Variants in SREK1IP1 observed in about 807,000 individuals in gnomAD.
SREK1IP1 encodes the protein SREK1 interacting protein 1.
In SREK1IP1, 12 loss-of-function variants were observed where a neutral mutation model predicts 22.8. That is an observed-to-expected ratio of 0.53 (90% CI 0.34 to 0.85). The LOEUF (loss-of-function observed/expected upper bound fraction) is 0.85. SREK1IP1 is among the 40% of genes least tolerant of loss of function. The pLI is 0.02. For synonymous variants in SREK1IP1, 53 were observed against 52.7 expected, an observed-to-expected ratio of 1.01 and a Z score of -0.02; for missense variants, 147 against 171.8, an observed-to-expected ratio of 0.86 and a Z score of 0.81.
intron 2 of SREK1IP1, among the ~76,000 whole-genome samples, chr5:64,750,920 A>C (rs998235184): frequency 6.6e-6 from 1 of 152,114 alleles, no homozygotes; most frequent in African/African-American, 2.4e-5. Flanking sequence ...AAAGAAAAAA[A>C]CCCTCTCCAT....
At chr5:64,767,863 T>C (rs947485727) in intron 1 of SREK1IP1, among the ~76,000 whole-genome samples, 5 of 152,200 alleles carry the variant, frequency 3.3e-5, no homozygotes, top group African/African-American at 1.2e-4. Context: ...AAGCTGGTAG[T>C]TGAGGACGAG....
intron 1 of SREK1IP1, among the ~76,000 whole-genome samples, chr5:64,757,930 C>T (rs1397173959): frequency 3.4e-5 from 4 of 118,162 alleles, no homozygotes; most frequent in East Asian, 5.4e-4. Context: ...AGTGCAGTGG[C>T]GTGATCTCAG....
Position 64,718,391 on chromosome 5 carries a change from T to A in SREK1IP1, c.*5993A>T, listed in dbSNP as rs1742092304. 6.0e-6 allele frequency: 1 copy of A among 167,650 alleles called. No individual in the cohort carries two copies. 10.4% of individuals were successfully genotyped at this position (167,650 alleles called of 1,614,324 possible). On this transcript the variant is annotated 3_prime_UTR_variant, in exon 5 of 5. Transcript: ENST00000513458. ...TGATACTTACAGGCAGTTATTCTTATGAGATGGTACTGGATAGGTAAATAT... is the reference window on the plus strand; with the variant it reads ...TGATACTTACAGGCAGTTATTCTTAAGAGATGGTACTGGATAGGTAAATAT...
intron 4 of SREK1IP1, among the ~76,000 whole-genome samples, chr5:64,726,639 TA>T (rs948972540): frequency 1.3e-5 from 2 of 150,920 alleles, no homozygotes; most frequent in Non-Finnish European, 2.9e-5. Context: ...TACGCCTTGA[TA>T]AATCTATCTG....
At chr5:64,768,469 G>A in intron 1 of SREK1IP1, 36 bp downstream of exon 1, 1 of 1,614,074 alleles carries the variant, frequency 6.2e-7, no homozygotes, top group South Asian at 1.1e-5. Context: ...GCTCCCTTCG[G>A]AGCTCGGACG....
chr5:64,737,623 A>G (rs1244088158), intron 3 of SREK1IP1, among the ~76,000 whole-genome samples: 1 of 151,520 alleles, frequency 6.6e-6, no homozygotes, highest in Non-Finnish European at 1.5e-5. Flanking sequence ...AAAACAACAG[A>G]AAAGCCCAAA....
chr5:64,740,273 A>C (rs1742531238), intron 3 of SREK1IP1, among the ~76,000 whole-genome samples: 1 of 152,054 alleles, frequency 6.6e-6, no homozygotes, highest in Non-Finnish European at 1.5e-5. Flanking sequence ...AAAAAAAATA[A>C]ATGATATCTG....
chr5:64,740,173 C>G (rs560064374), intron 3 of SREK1IP1, among the ~76,000 whole-genome samples: 2 of 152,182 alleles, frequency 1.3e-5, no homozygotes, highest in South Asian at 2.1e-4. Context: ...TATCCACTCT[C>G]TCTCTAGGGA....
intron 4 of SREK1IP1, chr5:64,727,553 A>ATATATATT: frequency 1.2e-5 from 1 of 84,682 alleles, no homozygotes; most frequent in African/African-American, 5.5e-5. Flanking sequence ...ATATATATAT[A>ATATATATT]TTTTTTTTTT....
rs1456753306 is a variant in SREK1IP1 at position 64,724,533 on chromosome 5, G to C, written c.319C>G (p.Gln107Glu). Residue 107 changes from glutamine to glutamate, a missense_variant, in exon 5 of 5, where the codon CAA becomes GAA. Around this residue, in one of 3 missense-constraint regions of SREK1IP1, gnomAD observed 82 missense variants for 81.7 expected, o/e 1.00. Transcript: ENST00000513458. ...SSSTEEDTSK[Q>E]KKQKYQKKEK... The stretch of plus-strand genomic sequence containing the variant: ...TTCTTCTGATATTTTTGTTTCTTTT[G>C]TTTTGAAGTGTCCTCTTCAGTGGAA... 6.5e-7 allele frequency: 1 copy of C among 1,540,908 alleles called. No homozygotes were observed. The highest frequency in any genetic ancestry group is 8.7e-7 in the Non-Finnish European group (1 of 1,150,034).
intron 3 of SREK1IP1, among the ~76,000 whole-genome samples, chr5:64,731,029 A>C (rs927454743): frequency 2.6e-5 from 4 of 152,322 alleles, no homozygotes; most frequent in African/African-American, 7.2e-5. Flanking sequence ...CTTTACATTA[A>C]ATAAACTGGA....
In SREK1IP1 at chr5:64,752,144, G is replaced by GTTTTTT. The variant is rs755420855; in HGVS notation, c.61+2170_61+2171insAAAAAA. Among the ~76,000 whole-genome samples the GTTTTTT allele has an allele frequency of 3.3e-3, 278 of 85,412 alleles. 16 individuals carry two copies. Among genetic ancestry groups the GTTTTTT allele is most frequent in the Middle Eastern group, 5.3e-3 (1 of 188 alleles). The allele number at this position is 85,412 out of a possible 152,430, so 56.0% of individuals were successfully genotyped here. A position where few individuals can be genotyped will look rare whatever the true frequency, so the allele number is the denominator to read the frequency against. ...CTCTTTTTCTGTGAATTTTTTTTGTGTGTTTTTTTTTTTTTTTTTTTTTTT... is the reference window on the plus strand; with the variant it reads ...CTCTTTTTCTGTGAATTTTTTTTGTGTTTTTTTGTTTTTTTTTTTTTTTTTTTTTTT... On this transcript the variant is annotated intron_variant, in intron 2 of 4. Transcript: ENST00000513458.
chr5:64,729,375 G>A (rs1183426836), intron 3 of SREK1IP1, among the ~76,000 whole-genome samples: 1 of 152,154 alleles, frequency 6.6e-6, no homozygotes, highest in African/African-American at 2.4e-5. Flanking sequence ...AAAGCTCCAA[G>A]GCAAAAAGAG....
At chr5:64,749,919 T>C (rs1179243499) in intron 2 of SREK1IP1, among the ~76,000 whole-genome samples, 2 of 152,216 alleles carry the variant, frequency 1.3e-5, no homozygotes, top group East Asian at 1.9e-4. Flanking sequence ...GGCATTTCTC[T>C]ATAGTTAATT....
intron 1 of SREK1IP1, among the ~76,000 whole-genome samples, chr5:64,755,337 G>A (rs1436707692): frequency 6.6e-6 from 1 of 152,002 alleles, no homozygotes. Flanking sequence ...GTGGATTAAA[G>A]AAAATGCACT....
Position 64,724,287 on chromosome 5 carries a change from A to G in SREK1IP1, c.*97T>C, listed in dbSNP as rs10434541. The stretch of plus-strand genomic sequence containing the variant: ...AAATGTCTATATGGAAAAGGCTGTG[A>G]TTTATTGCAAAGCATAATATATAGC... On this transcript the variant is annotated 3_prime_UTR_variant, in exon 5 of 5. Transcript: ENST00000513458. The G allele has an allele frequency of 1.4e-4, 149 of 1,086,058 alleles. No homozygotes were observed. The East Asian group carries it at 3.6e-3, about 26-fold the overall frequency. The allele number at this position is 1,086,058 out of a possible 1,614,324, so 67.3% of individuals were successfully genotyped here.
chr5:64,728,032 C>CA, intron 4 of SREK1IP1, 75 bp downstream of exon 4: 6 of 1,118,114 alleles, frequency 5.4e-6, no homozygotes, highest in Non-Finnish European at 6.7e-6. Flanking sequence ...CTATTATACA[C>CA]AAAAAATAAA....
intron 2 of SREK1IP1, among the ~76,000 whole-genome samples, chr5:64,748,821 G>A (rs1245217754): frequency 6.6e-6 from 1 of 152,034 alleles, no homozygotes; most frequent in Non-Finnish European, 1.5e-5. Flanking sequence ...TGCCAGCAGA[G>A]GTTTGTACCT....
rs1354155508 is a variant in SREK1IP1 at position 64,720,955 on chromosome 5, C to T, written c.*3429G>A. The T allele has an allele frequency of 1.3e-5, 2 of 152,238 alleles. No homozygotes were observed. Among genetic ancestry groups the T allele is most frequent in the African/African-American group, 4.8e-5 (2 of 41,448 alleles). 9.4% of individuals were successfully genotyped at this position (152,238 alleles called of 1,614,324 possible). A position where few individuals can be genotyped will look rare whatever the true frequency, so the allele number is the denominator to read the frequency against. On this transcript the variant is annotated 3_prime_UTR_variant, in exon 5 of 5. Coordinates refer to ENST00000513458, the MANE Select transcript of SREK1IP1 (RefSeq NM_173829.4). Reference sequence around the variant, plus strand: ...CACTTCCTGCCTCGCCTATGATACACCAGCAACACCAGATTGCTTGTAATT... The same window carrying T: ...CACTTCCTGCCTCGCCTATGATACATCAGCAACACCAGATTGCTTGTAATT...
Sources: allele counts gnomAD v4.1 joint callset (sites outside exome capture counted in the v4.1 genomes callset), GRCh38; gene constraint gnomAD v4.1.1; regional missense constraint gnomAD v4.1.1; transcripts MANE v1.5; gene names NCBI Gene and HGNC (gene_info 2026-07-23, HGNC 2026-07-21).